SGCZ: variants seen among roughly 807,000 people sequenced by gnomAD.
The protein encoded by SGCZ is sarcoglycan zeta, also known as zeta-sarcoglycan.
A neutral mutation model predicts 41.3 loss-of-function variants in SGCZ; 40 were observed. That is an observed-to-expected ratio of 0.97 (90% CI 0.75 to 1.26). SGCZ has a LOEUF of 1.26. SGCZ is among the 50% of genes most tolerant of loss of function. The probability of loss-of-function intolerance (pLI) is 0.00; values close to 1 mark genes in which losing one functional copy is unlikely to be tolerated. For synonymous variants in SGCZ, 206 were observed against 137.5 expected (o/e 1.50, Z -3.49); for missense variants, 552 against 369.8 (o/e 1.49, Z -4.04).
At chr8:14,473,612 G>A (rs1801272009) in intron 2 of SGCZ, among the ~76,000 whole-genome samples, 1 of 152,004 alleles carries the variant, frequency 6.6e-6, no homozygotes, top group African/African-American at 2.4e-5. Flanking sequence ...CAAATGAATA[G>A]AACTGAAATC....
Position 14,412,352 on chromosome 8 carries a change from A to G in SGCZ, c.235-88148T>C, listed in dbSNP as rs1403799662. On this transcript the variant is annotated intron_variant, in intron 2 of 7. Transcript: ENST00000382080. ...GACTGTGACACATAGTTTGCATCCA[A>G]TCTACAGCAACTATTATAATTATGT... 2.6e-5 allele frequency among the ~76,000 whole-genome samples: 4 copies of G among 152,248 alleles called. No homozygotes were observed. The East Asian group carries it at 5.8e-4, about 22-fold the overall frequency.
Position 14,956,039 on chromosome 8 carries a change from C to CTTTTTTTT in SGCZ, c.39+281538_39+281545dup, listed in dbSNP as rs71884770. ...TAATGTAGGTAGGACACTACTTTTA[C>CTTTTTTTT]TTTTTTTTTTTTTTTTTTTGAGACG... On this transcript the variant is annotated intron_variant, in intron 1 of 7. Coordinates refer to ENST00000382080, the MANE Select transcript of SGCZ (RefSeq NM_139167.4). 1.7e-4 allele frequency among the ~76,000 whole-genome samples: 21 copies of CTTTTTTTT among 120,190 alleles called. 1 individual carries two copies. The highest frequency in any genetic ancestry group is 3.2e-4 in the Non-Finnish European group (19 of 59,324). The allele number at this position is 120,190 out of a possible 152,430, so 78.8% of individuals were successfully genotyped here. A position where few individuals can be genotyped will look rare whatever the true frequency, so the allele number is the denominator to read the frequency against.
chr8:14,185,484 A>G (rs536698880), intron 4 of SGCZ, among the ~76,000 whole-genome samples: 20 of 152,276 alleles, frequency 1.3e-4, no homozygotes, highest in South Asian at 1.2e-3. Context: ...TCTAATCAAT[A>G]TCTACCATAT....
At chr8:14,648,261 C>T (rs1205234660) in intron 1 of SGCZ, among the ~76,000 whole-genome samples, 8 of 152,094 alleles carry the variant, frequency 5.3e-5, no homozygotes, top group Admixed American at 5.2e-4. Context: ...ACCAAGGTAT[C>T]TCTGTCTGGC....
chr8:14,850,264 G>C (rs1377589679), intron 1 of SGCZ, among the ~76,000 whole-genome samples: 1 of 152,132 alleles, frequency 6.6e-6, no homozygotes, highest in Non-Finnish European at 1.5e-5. Context: ...AAATATGCAT[G>C]CACTGTGCTG....
intron 1 of SGCZ, among the ~76,000 whole-genome samples, chr8:14,604,867 CT>C (rs1563147000): frequency 6.6e-6 from 1 of 152,114 alleles, no homozygotes; most frequent in Non-Finnish European, 1.5e-5. Flanking sequence ...AGAAGACTTA[CT>C]TTTGATCTCC....
chr8:14,498,062 G>C (rs1252242480), intron 2 of SGCZ, among the ~76,000 whole-genome samples: 1 of 152,136 alleles, frequency 6.6e-6, no homozygotes, highest in Admixed American at 6.5e-5. Flanking sequence ...GCATTTGTCA[G>C]AGTGCTGATA....
chr8:14,267,509 ATTG>A (rs1799915892), intron 3 of SGCZ, among the ~76,000 whole-genome samples: 1 of 151,976 alleles, frequency 6.6e-6, no homozygotes, highest in Non-Finnish European at 1.5e-5. Flanking sequence ...CATCATTTTT[ATTG>A]TTTATTGTTT....
chr8:14,620,512 A>G (rs1486088284), intron 1 of SGCZ, among the ~76,000 whole-genome samples: 1 of 152,068 alleles, frequency 6.6e-6, no homozygotes, highest in Non-Finnish European at 1.5e-5. Flanking sequence ...AACCTACAGA[A>G]TGGGAGAAAA....
chr8:14,333,054 A>T (rs1802393380), intron 2 of SGCZ, among the ~76,000 whole-genome samples: 1 of 152,004 alleles, frequency 6.6e-6, no homozygotes, highest in Non-Finnish European at 1.5e-5. Context: ...TTGAGAAAAA[A>T]ATATATTTTT....
chr8:14,299,919 C>G (rs1313463532), intron 3 of SGCZ, among the ~76,000 whole-genome samples: 1 of 151,866 alleles, frequency 6.6e-6, no homozygotes, highest in East Asian at 1.9e-4. Flanking sequence ...GTAATAAGTA[C>G]TGCATTGCTG....
intron 1 of SGCZ, among the ~76,000 whole-genome samples, chr8:14,819,632 T>C (rs1163413926): frequency 3.3e-5 from 5 of 152,094 alleles, no homozygotes; most frequent in Non-Finnish European, 7.4e-5. Context: ...TACTCCAGTA[T>C]GAAGGATTAA....
intron 1 of SGCZ, among the ~76,000 whole-genome samples, chr8:14,661,187 G>C (rs115784050): frequency 4.6e-5 from 7 of 151,986 alleles, no homozygotes; most frequent in Non-Finnish European, 2.9e-5. Context: ...TGTGCCCCCC[G>C]ATGGACAATA....
chr8:14,689,192 C>A (rs528361339), intron 1 of SGCZ, among the ~76,000 whole-genome samples: 2 of 151,884 alleles, frequency 1.3e-5, no homozygotes, highest in African/African-American at 2.4e-5. Context: ...AGGGCTTATG[C>A]TTTTATACAC....
intron 4 of SGCZ, among the ~76,000 whole-genome samples, chr8:14,192,349 A>G (rs930738946): frequency 1.6e-4 from 24 of 151,862 alleles, no homozygotes; most frequent in African/African-American, 5.6e-4. Flanking sequence ...TTCTTATCTA[A>G]CCTGAATTTT....
At chr8:14,546,289 G>A (rs1266617853) in intron 2 of SGCZ, among the ~76,000 whole-genome samples, 3 of 152,148 alleles carry the variant, frequency 2.0e-5, no homozygotes, top group Admixed American at 6.5e-5. Flanking sequence ...TGTGCGTGCT[G>A]AGGAATGAAT....
rs1801489957 is a variant in SGCZ at position 14,085,180 on chromosome 8, G to C, written c.*5263C>G. ...ACATAAAGCAAGATAGAGTACAAAA[G>C]CACAGCTTTTGTAATTTTGGTAATA... On this transcript the variant is annotated 3_prime_UTR_variant, in exon 8 of 8. Coordinates refer to ENST00000382080, the MANE Select transcript of SGCZ (RefSeq NM_139167.4). Among the ~76,000 whole-genome samples the C allele has an allele frequency of 6.6e-6, 1 of 151,652 alleles. No homozygotes were observed. The highest frequency in any genetic ancestry group is 1.5e-5 in the Non-Finnish European group (1 of 67,772).
At chr8:14,177,959 T>TTTTTTTTTC (rs1804602627) in intron 4 of SGCZ, among the ~76,000 whole-genome samples, 5 of 53,052 alleles carry the variant, frequency 9.4e-5, no homozygotes, top group East Asian at 3.4e-4. Flanking sequence ...TTTTTTTTTC[T>TTTTTTTTTC]TTTTTTTTTT....
chr8:14,301,987 A>G (rs1397913540), intron 3 of SGCZ, among the ~76,000 whole-genome samples: 1 of 152,124 alleles, frequency 6.6e-6, no homozygotes, highest in East Asian at 1.9e-4. Context: ...TCCCCCAATT[A>G]TTTAGAAATA....
Sources: gnomAD v4.1 joint callset for allele counts (sites outside exome capture counted in the v4.1 genomes callset) on GRCh38, gnomAD v4.1.1 for gene constraint, MANE v1.5 for transcripts, NCBI Gene and HGNC (gene_info 2026-07-23, HGNC 2026-07-21) for gene names.